FGF14: variants seen among roughly 807,000 people sequenced by gnomAD.
FGF14 encodes the protein fibroblast growth factor 14.
In FGF14, 5 loss-of-function variants were observed where a neutral mutation model predicts 25.5. That is an observed-to-expected ratio of 0.20 (90% CI 0.10 to 0.41). The LOEUF is 0.41. Ranked by LOEUF, FGF14 falls within the 10% of genes least tolerant of loss-of-function variation. The pLI is 1.00. For synonymous variants in FGF14, 138 were observed against 118.3 expected (o/e 1.17, Z -1.08); for missense variants, 222 against 320.1 (o/e 0.69, Z 2.34).
rs561424836 is a variant in FGF14, at chr13:102,364,739, G to A, written c.208+36732C>T. On this transcript the variant is annotated intron_variant, in intron 1 of 4. Transcript: ENST00000376131. ...CTTCACTGGAACCATCCACAGCACC[G>A]CAGCCAGTGGTCAGAAACCACGGTC... Among the ~76,000 whole-genome samples the A allele has an allele frequency of 8.5e-5, 13 of 152,252 alleles. No individual in the cohort carries two copies. The East Asian group carries it at 1.5e-3, about 18-fold the overall frequency.
Position 102,082,994 on chromosome 13 carries a change from T to C in FGF14, c.209-207698A>G, listed in dbSNP as rs780533834. Among the ~76,000 whole-genome samples, 2 of 152,236 alleles carry C rather than the reference T, an allele frequency of 1.3e-5. 1 individual carries two copies. On this transcript the variant is annotated intron_variant, in intron 1 of 4. Coordinates refer to the FGF14 transcript ENST00000376131. ...AAAAAGAGTACTTTGGTAACTCATT[T>C]AATAATTTGAATGAACCAATTTTTC... is the stretch of plus-strand genomic sequence containing the variant.
chr13:101,832,058 T>C (rs563729778), intron 3 of FGF14, among the ~76,000 whole-genome samples: 1 of 152,180 alleles, frequency 6.6e-6, no homozygotes, highest in South Asian at 2.1e-4. Flanking sequence ...CATTGGGAGA[T>C]TATCCTTTAT....
intron 3 of FGF14, among the ~76,000 whole-genome samples, chr13:101,771,924 T>C (rs143676172): frequency 1.2e-3 from 186 of 152,150 alleles, no homozygotes; most frequent in Admixed American, 4.0e-3. Context: ...CCCATATACA[T>C]GTATAAAACA....
chr13:101,836,569 A>C (rs1174690827), intron 3 of FGF14, among the ~76,000 whole-genome samples: 11 of 152,138 alleles, frequency 7.2e-5, no homozygotes, highest in Admixed American at 7.2e-4. Flanking sequence ...TTATAAATTC[A>C]TCCTCGTATA....
intron 1 of FGF14, among the ~76,000 whole-genome samples, chr13:102,135,353 C>A (rs1383704586): frequency 6.6e-6 from 1 of 152,136 alleles, no homozygotes; most frequent in Non-Finnish European, 1.5e-5. Flanking sequence ...GGTATCAAGT[C>A]AATTACGTGG....
chr13:102,227,629 C>T (rs2050887436), intron 1 of FGF14, among the ~76,000 whole-genome samples: 1 of 152,152 alleles, frequency 6.6e-6, no homozygotes, highest in South Asian at 2.1e-4. Flanking sequence ...CATACATCTT[C>T]TAATGCAAAG....
At chr13:101,910,837 C>CAT (rs2032846797) in intron 1 of FGF14, among the ~76,000 whole-genome samples, 2 of 129,324 alleles carry the variant, frequency 1.5e-5, no homozygotes, top group South Asian at 5.8e-4. Flanking sequence ...GATTTGGATT[C>CAT]GTGTGTGTGT....
rs142799868 is a variant in FGF14 at position 101,914,216 on chromosome 13, T to C, written c.193+2237A>G. On this transcript the variant is annotated intron_variant, in intron 1 of 4. Transcript: ENST00000376143. ...TTAAATGAATAATTATATTGTTATATATAATAATATAAAAGCATACTATTA... is the reference window on the plus strand; with the variant it reads ...TTAAATGAATAATTATATTGTTATACATAATAATATAAAAGCATACTATTA... 4.1e-3 allele frequency among the ~76,000 whole-genome samples: 619 copies of C among 151,094 alleles called. 2 individuals carry two copies. The highest frequency in any genetic ancestry group is 0.034 in the East Asian group (173 of 5,148).
intron 1 of FGF14, among the ~76,000 whole-genome samples, chr13:101,915,032 C>T (rs1186386721): frequency 1.3e-5 from 2 of 152,146 alleles, no homozygotes; most frequent in Non-Finnish European, 2.9e-5. Context: ...ATGGCTCCTA[C>T]ACTGGTCTGA....
At chr13:102,162,451 A>G (rs376250761) in intron 1 of FGF14, among the ~76,000 whole-genome samples, 23 of 152,304 alleles carry the variant, frequency 1.5e-4, no homozygotes, top group African/African-American at 5.5e-4. Flanking sequence ...TAAAAAATCA[A>G]TTCTTTTATA....
At chr13:101,908,235 C>T (rs1001937824) in intron 1 of FGF14, among the ~76,000 whole-genome samples, 2 of 152,156 alleles carry the variant, frequency 1.3e-5, no homozygotes, top group Non-Finnish European at 2.9e-5. Flanking sequence ...CAGCCAAATT[C>T]AGCCTTGTAA....
At chr13:101,915,504 C>T (rs2033375035) in intron 1 of FGF14, among the ~76,000 whole-genome samples, 1 of 152,118 alleles carries the variant, frequency 6.6e-6, no homozygotes, top group South Asian at 2.1e-4. Flanking sequence ...CAGAACACAC[C>T]ACATGCTCGC....
intron 3 of FGF14, among the ~76,000 whole-genome samples, chr13:101,812,638 T>C (rs2041606339): frequency 7.2e-5 from 1 of 13,822 alleles, no homozygotes; most frequent in African/African-American, 2.3e-4. Flanking sequence ...TATATATATA[T>C]ATATATATAT....
At chr13:101,958,832 G>A (rs866567816) in intron 1 of FGF14, among the ~76,000 whole-genome samples, 20 of 152,210 alleles carry the variant, frequency 1.3e-4, no homozygotes, top group African/African-American at 4.1e-4. Flanking sequence ...AGGTCACTGC[G>A]CCTCCACCAA....
In FGF14 at chr13:102,379,630, T is replaced by C. The variant is rs182723070; in HGVS notation, c.208+21841A>G. ...TATGTTTCTGAATGTAACACGTGCA[T>C]ATAGATTAAGGCAAAAGAACACCTA... On this transcript the variant is annotated intron_variant, in intron 1 of 4. Coordinates refer to the FGF14 transcript ENST00000376131. Among the ~76,000 whole-genome samples the C allele has an allele frequency of 3.5e-3, 530 of 152,148 alleles. 2 individuals carry two copies. Among genetic ancestry groups the C allele is most frequent in the Admixed American group, 7.1e-3 (108 of 15,250 alleles).
intron 3 of FGF14, among the ~76,000 whole-genome samples, chr13:101,848,006 A>T (rs1566306388): frequency 6.6e-6 from 1 of 152,060 alleles, no homozygotes; most frequent in Admixed American, 6.6e-5. Context: ...TTGTCAACGC[A>T]AGCAGGGAAC....
rs542756954 is a variant in FGF14 at position 102,013,644 on chromosome 13, A to C, written c.209-138348T>G. Among the ~76,000 whole-genome samples the C allele has an allele frequency of 1.9e-4, 29 of 152,320 alleles. 1 individual carries two copies. The highest frequency in any genetic ancestry group is 6.5e-4 in the African/African-American group (27 of 41,572). On this transcript the variant is annotated intron_variant, in intron 1 of 4. Transcript: ENST00000376131. ...ACAATTTGACAATTTAAACACAATG[A>C]GTGATTTCCTAGGCTTAATCAGCCT... is the stretch of plus-strand genomic sequence containing the variant.
intron 1 of FGF14, among the ~76,000 whole-genome samples, chr13:102,022,676 TA>T (rs1282638160): frequency 7.9e-5 from 12 of 152,066 alleles, no homozygotes; most frequent in African/African-American, 2.9e-4. Flanking sequence ...TTAAGATGTT[TA>T]AAATTGCACA....
intron 1 of FGF14, among the ~76,000 whole-genome samples, chr13:101,882,111 C>T (rs1425803455): frequency 6.6e-6 from 1 of 151,606 alleles, no homozygotes; most frequent in Admixed American, 6.6e-5. Context: ...AAATTTAATA[C>T]ACAGATTTAA....
Sources: allele counts gnomAD v4.1 joint callset (sites outside exome capture counted in the v4.1 genomes callset), GRCh38; gene constraint gnomAD v4.1.1; transcripts MANE v1.5; gene names NCBI Gene and HGNC (gene_info 2026-07-23, HGNC 2026-07-21).